The following RORA variants were observed in gnomAD, a reference collection of about 807,000 sequenced individuals.
The protein encoded by RORA is RAR related orphan receptor A.
A neutral mutation model predicts 69.5 loss-of-function variants in RORA; 7 were observed. The observed-to-expected ratio is 0.10, with a 90% CI of 0.06 to 0.19. The LOEUF (loss-of-function observed/expected upper bound fraction) is 0.19, where lower values mean the gene tolerates loss of function less well. Among genes scored for constraint, RORA ranks in the 10% least tolerant of loss-of-function variants. The pLI, the probability that RORA is intolerant of heterozygous loss-of-function variation, is 1.00. For missense variants in RORA, 457 were observed against 663.0 expected, an observed-to-expected ratio of 0.69 and a Z score of 3.41; for synonymous variants, 261 against 240.8, an observed-to-expected ratio of 1.08 and a Z score of -0.78.
chr15:61,205,205 G>A (rs1252959498), intron 1 of RORA, among the ~76,000 whole-genome samples: 1 of 152,174 alleles, frequency 6.6e-6, no homozygotes, highest in African/African-American at 2.4e-5. Flanking sequence ...CAAGCCCACA[G>A]AGCCTGGCTG....
chr15:60,647,112 C>T (rs900040425), intron 2 of RORA, among the ~76,000 whole-genome samples: 3 of 152,148 alleles, frequency 2.0e-5, no homozygotes, highest in African/African-American at 2.4e-5. Context: ...TGCTTTTGTT[C>T]GAGTACATTC....
chr15:60,617,013 T>C (rs1037931741), intron 2 of RORA, among the ~76,000 whole-genome samples: 4 of 152,322 alleles, frequency 2.6e-5, no homozygotes, highest in South Asian at 2.1e-4. Context: ...TTGCACAATA[T>C]AGAATTGCTT....
intron 2 of RORA, among the ~76,000 whole-genome samples, chr15:60,667,420 G>A (rs1266770924): frequency 6.6e-6 from 1 of 152,092 alleles, no homozygotes; most frequent in East Asian, 1.9e-4. Context: ...AGATATTTCT[G>A]ACAGCGAGCC....
At chr15:60,647,784 C>T (rs1005276486) in intron 2 of RORA, among the ~76,000 whole-genome samples, 1 of 152,186 alleles carries the variant, frequency 6.6e-6, no homozygotes, top group Non-Finnish European at 1.5e-5. Flanking sequence ...TCAGAGGATG[C>T]CCATTATTGA....
intron 1 of RORA, among the ~76,000 whole-genome samples, chr15:60,783,287 G>A (rs941799265): frequency 2.6e-5 from 4 of 151,886 alleles, no homozygotes; most frequent in Non-Finnish European, 4.4e-5. Flanking sequence ...TGTACTAGGA[G>A]GCCCTTAAAA....
At chr15:60,525,311 T>C (rs1169956808) in intron 3 of RORA, among the ~76,000 whole-genome samples, 1 of 152,206 alleles carries the variant, frequency 6.6e-6, no homozygotes, top group Non-Finnish European at 1.5e-5. Context: ...GGCTGGACGC[T>C]GCACTGTGGG....
chr15:60,787,903 T>C (rs926649513), intron 1 of RORA, among the ~76,000 whole-genome samples: 2 of 152,238 alleles, frequency 1.3e-5, no homozygotes, highest in Non-Finnish European at 2.9e-5. Context: ...TTAAGAAGTA[T>C]TGATTGTGCT....
chr15:61,104,983 T>C (rs564790135), intron 1 of RORA, among the ~76,000 whole-genome samples: 2 of 151,142 alleles, frequency 1.3e-5, no homozygotes, highest in Non-Finnish European at 2.9e-5. Context: ...TTTTCTGCCA[T>C]GATCATGAGG....
At chr15:60,985,884 T>C (rs760227388) in intron 1 of RORA, among the ~76,000 whole-genome samples, 9 of 152,224 alleles carry the variant, frequency 5.9e-5, no homozygotes, top group Non-Finnish European at 8.8e-5. Context: ...CCAGCCGACA[T>C]GTTTTATTTA....
At chr15:60,516,186 T>TAC in intron 3 of RORA, among the ~76,000 whole-genome samples, 1 of 16,882 alleles carries the variant, frequency 5.9e-5, no homozygotes, top group Non-Finnish European at 9.4e-5. Flanking sequence ...TATATATATT[T>TAC]ATATATATAT....
chr15:61,169,088 A>T (rs1425702639), intron 1 of RORA, among the ~76,000 whole-genome samples: 3 of 143,608 alleles, frequency 2.1e-5, no homozygotes, highest in African/African-American at 8.2e-5. Context: ...CTGCCAGAGC[A>T]TAAGAACACT....
intron 1 of RORA, among the ~76,000 whole-genome samples, chr15:60,880,849 A>T (rs897004178): frequency 4.6e-5 from 7 of 152,054 alleles, no homozygotes; most frequent in Non-Finnish European, 1.0e-4. Context: ...AGCCAGAAAT[A>T]AAAAAATCCG....
At chr15:61,057,556 A>G (rs1287824914) in intron 1 of RORA, among the ~76,000 whole-genome samples, 2 of 152,228 alleles carry the variant, frequency 1.3e-5, no homozygotes, top group African/African-American at 4.8e-5. Context: ...GAAAGTAACA[A>G]CAAATACTTA....
At chr15:60,637,193 G>A (rs1336196072) in intron 2 of RORA, among the ~76,000 whole-genome samples, 3 of 152,032 alleles carry the variant, frequency 2.0e-5, no homozygotes, top group African/African-American at 7.2e-5. Context: ...GTATATTAAT[G>A]TCTTTCTGAA....
intron 1 of RORA, among the ~76,000 whole-genome samples, chr15:60,817,608 A>G (rs2140374379): frequency 6.6e-6 from 1 of 152,176 alleles, no homozygotes; most frequent in Admixed American, 6.5e-5. Context: ...ACCAGGTCCA[A>G]TCTCTCCTTG....
intron 1 of RORA, among the ~76,000 whole-genome samples, chr15:60,725,199 T>C (rs1397661713): frequency 2.6e-5 from 4 of 152,220 alleles, no homozygotes; most frequent in African/African-American, 9.6e-5. Context: ...CATTTCAATG[T>C]CTTCTTTTCC....
intron 1 of RORA, among the ~76,000 whole-genome samples, chr15:60,681,180 G>T (rs1213300831): frequency 6.6e-6 from 1 of 152,130 alleles, no homozygotes; most frequent in Non-Finnish European, 1.5e-5. Flanking sequence ...AAAAAAAGCA[G>T]AAAACATCCT....
At chr15:61,169,244 G>C (rs1024183413) in intron 1 of RORA, among the ~76,000 whole-genome samples, 14 of 150,976 alleles carry the variant, frequency 9.3e-5, no homozygotes, top group African/African-American at 3.4e-4. Flanking sequence ...TCTGGGCCTT[G>C]CACTCTTACA....
At chr15:61,209,565 C>T (rs1596073972) in intron 1 of RORA, among the ~76,000 whole-genome samples, 1 of 152,180 alleles carries the variant, frequency 6.6e-6, no homozygotes, top group Non-Finnish European at 1.5e-5. Flanking sequence ...CATGTTAAAG[C>T]GCTAATCCTC....
Sources: gnomAD v4.1 joint callset for allele counts (sites outside exome capture counted in the v4.1 genomes callset) on GRCh38, gnomAD v4.1.1 for gene constraint, MANE v1.5 for transcripts, NCBI Gene and HGNC (gene_info 2026-07-23, HGNC 2026-07-21) for gene names.